Variants in ATP8A2 observed in about 807,000 individuals in gnomAD.
The protein encoded by ATP8A2 is ATPase phospholipid transporting 8A2.
In ATP8A2, 100 loss-of-function variants were observed where a neutral mutation model predicts 165.6. The ratio of observed to expected loss-of-function variants is 0.60; its 90% CI spans 0.51 to 0.71. The LOEUF is 0.71. ATP8A2 is among the 30% of genes least tolerant of loss of function. The pLI is 0.00. For missense variants in ATP8A2, 1,227 were observed against 1,479.5 expected, an observed-to-expected ratio of 0.83 and a Z score of 2.80; for synonymous variants, 543 against 548.8, an observed-to-expected ratio of 0.99 and a Z score of 0.15.
chr13:25,704,809 TATC>T (rs1311355931), intron 25 of ATP8A2, among the ~76,000 whole-genome samples: 6 of 152,216 alleles, frequency 3.9e-5, no homozygotes, highest in Non-Finnish European at 8.8e-5. Flanking sequence ...AGAAAAATTA[TATC>T]ATGTTGTCTG....
intron 2 of ATP8A2, among the ~76,000 whole-genome samples, chr13:25,493,947 G>A (rs1395906728): frequency 6.6e-6 from 1 of 152,130 alleles, no homozygotes; most frequent in Non-Finnish European, 1.5e-5. Flanking sequence ...TATCAATAGG[G>A]TGGAAAGAGC....
intron 1 of ATP8A2, among the ~76,000 whole-genome samples, chr13:25,379,529 C>G (rs1319984801): frequency 1.3e-5 from 2 of 152,182 alleles, no homozygotes; most frequent in African/African-American, 4.8e-5. Context: ...TGGGATCAGG[C>G]CTCTTATCAG....
chr13:25,499,331 A>G (rs538454248), intron 2 of ATP8A2, among the ~76,000 whole-genome samples: 1 of 152,320 alleles, frequency 6.6e-6, no homozygotes, highest in Admixed American at 6.5e-5. Context: ...CTTCACAAAT[A>G]ATGCCTAGTT....
intron 30 of ATP8A2, among the ~76,000 whole-genome samples, chr13:25,856,660 A>G (rs1311825826): frequency 6.6e-6 from 1 of 152,200 alleles, no homozygotes; most frequent in African/African-American, 2.4e-5. Flanking sequence ...TTAATTACAG[A>G]ATGTTATGCA....
chr13:25,503,569 A>T (rs56272082), intron 2 of ATP8A2, among the ~76,000 whole-genome samples: 4 of 152,312 alleles, frequency 2.6e-5, no homozygotes, highest in African/African-American at 9.6e-5. Context: ...ACAAGACCTC[A>T]TGTGCTCAGT....
intron 6 of ATP8A2, among the ~76,000 whole-genome samples, chr13:25,536,278 ATT>A (rs5802338): frequency 2.1e-3 from 302 of 141,800 alleles, no homozygotes; most frequent in Middle Eastern, 7.4e-3. Context: ...TGCCCGGTTA[ATT>A]TTTTTTTTTT....
intron 12 of ATP8A2, 100 bp from the exon 13 acceptor site, chr13:25,554,891 T>TCCAG: frequency 1.3e-6 from 1 of 782,620 alleles, no homozygotes; most frequent in Non-Finnish European, 2.0e-6. Flanking sequence ...ATAAAAGGGT[T>TCCAG]TTAGATTACC....
intron 33 of ATP8A2, among the ~76,000 whole-genome samples, chr13:25,958,277 TA>T (rs1756317418): frequency 6.6e-6 from 1 of 150,442 alleles, no homozygotes; most frequent in Admixed American, 6.7e-5. Context: ...TCTGCACATG[TA>T]TCCCAGAACT....
At position 25,469,106 on chromosome 13, in the gene ATP8A2, G is replaced by C. The variant is rs1811487878; in HGVS notation, c.206G>C (p.Arg69Pro). ...YLNQPHLNKF[R>P]DNQISTAKYS... ...AACCAACCGCATCTCAACAAATTCC[G>C]CGACAACCAGATCAGGTAGGAGAAG... Residue 69 changes from arginine (R) to proline (P), a missense_variant, in exon 2 of 37, where the codon CGC becomes CCC. Physicochemically the swap from Arg to Pro is moderately radical, Grantham distance 103. This residue lies in a region of ATP8A2 where 356 missense variants were observed against 394.9 expected (regional missense o/e 0.90). Coordinates refer to ENST00000381655, the MANE Select transcript of ATP8A2 (RefSeq NM_016529.6). 1.2e-6 allele frequency: 2 copies of C among 1,613,848 alleles called. No individual in the cohort carries two copies. Among genetic ancestry groups the C allele is most frequent in the Non-Finnish European group, 1.7e-6 (2 of 1,179,894 alleles).
At chr13:25,809,908 C>T (rs945799483) in intron 27 of ATP8A2, among the ~76,000 whole-genome samples, 5 of 152,056 alleles carry the variant, frequency 3.3e-5, no homozygotes, top group African/African-American at 9.7e-5. Context: ...CCTGGGGCAT[C>T]GGAGAAGACA....
chr13:25,434,420 C>G (rs1212004047), intron 1 of ATP8A2, among the ~76,000 whole-genome samples: 1 of 152,086 alleles, frequency 6.6e-6, no homozygotes, highest in African/African-American at 2.4e-5. Flanking sequence ...GTTATCTTGG[C>G]TCACTGCAAC....
intron 24 of ATP8A2, among the ~76,000 whole-genome samples, chr13:25,633,973 C>G (rs2041309227): frequency 7.4e-6 from 1 of 135,080 alleles, no homozygotes; most frequent in South Asian, 2.4e-4. Flanking sequence ...GAGACCCTGT[C>G]TCAAAAAAAA....
intron 2 of ATP8A2, among the ~76,000 whole-genome samples, chr13:25,484,918 C>T (rs979072353): frequency 1.1e-4 from 17 of 152,306 alleles, no homozygotes; most frequent in East Asian, 1.9e-4. Context: ...ATATGAAACA[C>T]GTTACCAAGC....
At chr13:25,538,604 T>A (rs1220472508) in intron 7 of ATP8A2, among the ~76,000 whole-genome samples, 1 of 152,200 alleles carries the variant, frequency 6.6e-6, no homozygotes, top group Non-Finnish European at 1.5e-5. Context: ...GAAGGAATCA[T>A]CACTCAGTGC....
chr13:25,645,564 T>C (rs1431122185), intron 24 of ATP8A2, among the ~76,000 whole-genome samples: 11 of 152,238 alleles, frequency 7.2e-5, no homozygotes, highest in Non-Finnish European at 1.5e-4. Context: ...GTAAAAACTT[T>C]CCTCTTGCAA....
intron 33 of ATP8A2, among the ~76,000 whole-genome samples, chr13:25,878,615 C>A (rs903312259): frequency 1.3e-5 from 2 of 151,852 alleles, no homozygotes; most frequent in African/African-American, 4.8e-5. Context: ...TTTGTGCCAA[C>A]CTTGTATCTC....
chr13:26,019,218 A>AC (rs1334020696), intron 36 of ATP8A2, among the ~76,000 whole-genome samples: 2 of 151,282 alleles, frequency 1.3e-5, no homozygotes, highest in Non-Finnish European at 2.9e-5. Context: ...ACATGGTGAA[A>AC]CCCCGTCTCT....
At position 25,589,632 on chromosome 13, in the gene ATP8A2, C is replaced by G. The variant is rs1469896590; in HGVS notation, c.2147-3C>G. ...TCACATGTTGTCTCTTCCTCCACTT[C>G]AGGGTATTCCTGCCGATTGGTATCG... On this transcript the variant is annotated splice_polypyrimidine_tract_variant and splice_region_variant and intron_variant, in intron 23 of 36. Transcript: ENST00000381655. 2 of 1,607,724 alleles carry G rather than the reference C, an allele frequency of 1.2e-6. No individual in the cohort carries two copies. The highest frequency in any genetic ancestry group is 1.3e-5 in the African/African-American group (1 of 74,768).
chr13:25,793,907 T>C (rs1439131791), intron 27 of ATP8A2, among the ~76,000 whole-genome samples: 1 of 152,190 alleles, frequency 6.6e-6, no homozygotes, highest in Admixed American at 6.5e-5. Flanking sequence ...AGATTGTCAT[T>C]TGAAGACGTG....
Sources: allele counts gnomAD v4.1 joint callset (sites outside exome capture counted in the v4.1 genomes callset), GRCh38; gene constraint gnomAD v4.1.1; regional missense constraint gnomAD v4.1.1; transcripts MANE v1.5; gene names NCBI Gene and HGNC (gene_info 2026-07-23, HGNC 2026-07-21).